LPAR1: variants seen among roughly 807,000 people sequenced by gnomAD.
The protein encoded by LPAR1 is LPA receptor 1.
LPAR1 carries 5 observed loss-of-function variants against 23.8 expected under a neutral mutation model. The ratio of observed to expected loss-of-function variants is 0.21; its 90% CI spans 0.11 to 0.44. The LOEUF (loss-of-function observed/expected upper bound fraction) is 0.44, where lower values mean the gene tolerates loss of function less well. LPAR1 is among the 20% of genes least tolerant of loss of function. The pLI, the probability that LPAR1 is intolerant of heterozygous loss-of-function variation, is 0.99. For missense variants in LPAR1, 311 were observed against 482.8 expected, an observed-to-expected ratio of 0.64 and a Z score of 3.33; for synonymous variants, 160 against 164.7, an observed-to-expected ratio of 0.97 and a Z score of 0.22.
intron 5 of LPAR1, among the ~76,000 whole-genome samples, chr9:110,889,254 A>T (rs992658631): frequency 1.3e-5 from 2 of 152,168 alleles, no homozygotes; most frequent in African/African-American, 4.8e-5. Flanking sequence ...GCTACTCGGG[A>T]GGCTGAGGCA....
intron 2 of LPAR1, among the ~76,000 whole-genome samples, chr9:111,009,991 T>A (rs1460823474): frequency 7.8e-6 from 1 of 128,478 alleles, no homozygotes; most frequent in African/African-American, 3.0e-5. Context: ...CATTTCATAA[T>A]TAGGAAAATA....
chr9:110,904,336 T>A (rs563712381), intron 5 of LPAR1, among the ~76,000 whole-genome samples: 3 of 152,182 alleles, frequency 2.0e-5, no homozygotes, highest in Admixed American at 1.3e-4. Context: ...GACAATAATA[T>A]TTAAAAGTGG....
chr9:110,893,320 C>T (rs769388233), intron 5 of LPAR1, among the ~76,000 whole-genome samples: 19 of 152,132 alleles, frequency 1.2e-4, no homozygotes, highest in South Asian at 2.1e-4. Flanking sequence ...ATATTTATAA[C>T]GGTAGAAAAT....
chr9:110,926,012 C>G (rs1028630690), intron 5 of LPAR1, among the ~76,000 whole-genome samples: 1 of 152,160 alleles, frequency 6.6e-6, no homozygotes, highest in Non-Finnish European at 1.5e-5. Context: ...GCTCTGCCTC[C>G]CGGGTTCGCG....
In LPAR1 at chr9:110,883,331, C is replaced by T. The variant is rs975226359; in HGVS notation, c.794-7609G>A. Among the ~76,000 whole-genome samples the T allele has an allele frequency of 5.9e-5, 9 of 152,170 alleles. No individual in the cohort carries two copies. The East Asian group carries it at 1.2e-3, about 20-fold the overall frequency. On this transcript the variant is annotated intron_variant, in intron 5 of 5. Coordinates refer to ENST00000683809, the MANE Select transcript of LPAR1 (RefSeq NM_001351411.2). ...GAATATAGCCATGAGCCACCGTGCC[C>T]GGCCTATATCTTGAATTTTTTAAAG...
rs34666038 is a variant in LPAR1, at chr9:110,991,997, G to GTT, written c.-181-18441_-181-18440dup. Among the ~76,000 whole-genome samples, 713 of 148,922 alleles carry GTT rather than the reference G, an allele frequency of 4.8e-3. 1 individual carries two copies. The highest frequency in any genetic ancestry group is 7.9e-3 in the African/African-American group (321 of 40,678). ...ACTAACTTAAATTCTTTAAAAGCTT[G>GTT]TTTTTTTTTTTCTTTAGTCAAAATA... is the stretch of plus-strand genomic sequence containing the variant. On this transcript the variant is annotated intron_variant, in intron 2 of 5. Transcript: ENST00000683809.
rs145333067 is a variant in LPAR1, at chr9:110,909,394, T to C, written c.793+32027A>G. On this transcript the variant is annotated intron_variant, in intron 5 of 5. Coordinates refer to ENST00000683809, the MANE Select transcript of LPAR1 (RefSeq NM_001351411.2). ...TCACATTTCATTGATTGACATCACA[T>C]TGGCATCTCAGTGATTGACTTTCAG... 3.4e-4 allele frequency among the ~76,000 whole-genome samples: 51 copies of C among 152,230 alleles called. No homozygotes were observed. The Middle Eastern group carries it at 0.01, about 30-fold the overall frequency.
chr9:111,036,586 A>G (rs1391085144), intron 1 of LPAR1, among the ~76,000 whole-genome samples: 5 of 151,732 alleles, frequency 3.3e-5, no homozygotes, highest in African/African-American at 7.3e-5. Context: ...ACGATCACCA[A>G]CCCCTTCCAT....
At chr9:110,936,135 ACATGAACCCGAGTGCTTTGCAGC>A (rs2094692798) in intron 5 of LPAR1, among the ~76,000 whole-genome samples, 1 of 152,194 alleles carries the variant, frequency 6.6e-6, no homozygotes, top group African/African-American at 2.4e-5. Flanking sequence ...CTCTACTAGC[ACATGAACCCGAGTGCTTTGCAGC>A]TCTTTTTTAG....
chr9:111,031,140 G>T, intron 2 of LPAR1, among the ~76,000 whole-genome samples: 1 of 151,986 alleles, frequency 6.6e-6, no homozygotes, highest in Non-Finnish European at 1.5e-5. Context: ...AAAAAATTTT[G>T]TAAATGAATG....
chr9:110,911,600 T>A (rs1564442957), intron 5 of LPAR1, among the ~76,000 whole-genome samples: 1 of 152,320 alleles, frequency 6.6e-6, no homozygotes, highest in South Asian at 2.1e-4. Context: ...TACTTTAATT[T>A]TTTTAATTTA....
intron 2 of LPAR1, among the ~76,000 whole-genome samples, chr9:110,996,371 A>T (rs1341319886): frequency 6.6e-6 from 1 of 152,202 alleles, no homozygotes; most frequent in Non-Finnish European, 1.5e-5. Flanking sequence ...AGCCTGGCCA[A>T]CATAGCAAGA....
intron 2 of LPAR1, among the ~76,000 whole-genome samples, chr9:110,987,986 G>A (rs911159575): frequency 2.0e-4 from 30 of 149,434 alleles, no homozygotes; most frequent in African/African-American, 7.1e-4. Flanking sequence ...CTGGATTAAA[G>A]AAAAAAAAAG....
chr9:110,951,688 A>T (rs553587859), intron 4 of LPAR1, among the ~76,000 whole-genome samples: 119 of 152,316 alleles, frequency 7.8e-4, no homozygotes, highest in Non-Finnish European at 1.4e-3. Flanking sequence ...ATTTAGTACA[A>T]TAGCTTTGAA....
chr9:110,944,945 G>T (rs7866715), intron 4 of LPAR1, among the ~76,000 whole-genome samples: 94,885 of 152,056 alleles, frequency 0.62, 30,477 homozygotes, highest in East Asian at 0.97. Flanking sequence ...GGATAAGAAC[G>T]CTATATTTCA....
intron 4 of LPAR1, among the ~76,000 whole-genome samples, chr9:110,946,445 GA>G (rs1394622683): frequency 2.6e-5 from 4 of 151,664 alleles, no homozygotes; most frequent in African/African-American, 2.4e-5. Context: ...AGAGTTTAGA[GA>G]AAAAAAATAA....
At chr9:111,008,523 A>G (rs1450292094) in intron 2 of LPAR1, among the ~76,000 whole-genome samples, 3 of 152,170 alleles carry the variant, frequency 2.0e-5, no homozygotes, top group African/African-American at 7.2e-5. Flanking sequence ...GGCTTTTAAA[A>G]GCAGAAATCA....
intron 5 of LPAR1, among the ~76,000 whole-genome samples, chr9:110,917,051 T>C (rs2093199462): frequency 6.6e-6 from 1 of 151,934 alleles, no homozygotes; most frequent in African/African-American, 2.4e-5. Context: ...CTTTAAAATG[T>C]TCTTGGCCGG....
intron 4 of LPAR1, among the ~76,000 whole-genome samples, chr9:110,963,195 G>A (rs547487219): frequency 3.9e-5 from 6 of 152,234 alleles, no homozygotes; most frequent in East Asian, 1.9e-4. Context: ...GTTTACCCTA[G>A]GTACCCCTGT....
Sources: allele counts gnomAD v4.1 joint callset (sites outside exome capture counted in the v4.1 genomes callset), GRCh38; gene constraint gnomAD v4.1.1; transcripts MANE v1.5; gene names NCBI Gene and HGNC (gene_info 2026-07-23, HGNC 2026-07-21).